The following ASPH variants were observed in gnomAD, a reference collection of about 807,000 sequenced individuals.
ASPH encodes aspartyl/asparaginyl beta-hydroxylase.
Under a neutral mutation model 118.4 loss-of-function variants are expected in ASPH, and 100 were observed. That is an observed-to-expected ratio of 0.84 (90% CI 0.72 to 1.00). ASPH has a LOEUF of 1.00. Among genes scored for constraint, ASPH ranks in the 50% least tolerant of loss-of-function variants. The pLI is 0.00. For missense variants in ASPH, 920 were observed against 919.5 expected (o/e 1.00, Z -0.01); for synonymous variants, 315 against 325.6 (o/e 0.97, Z 0.35).
chr8:61,611,868 A>G (rs1847477464), intron 14 of ASPH, among the ~76,000 whole-genome samples: 1 of 152,242 alleles, frequency 6.6e-6, no homozygotes, highest in East Asian at 1.9e-4. Context: ...AGATTTTTCA[A>G]TTTGAGTCCA....
chr8:61,519,722 G>A (rs1812271608), intron 22 of ASPH, among the ~76,000 whole-genome samples: 1 of 152,162 alleles, frequency 6.6e-6, no homozygotes, highest in Admixed American at 6.5e-5. Flanking sequence ...GTATGAGAAA[G>A]ACTTGACTGG....
intron 5 of ASPH, among the ~76,000 whole-genome samples, chr8:61,649,335 C>A (rs1419282151): frequency 6.6e-6 from 1 of 152,106 alleles, no homozygotes; most frequent in Non-Finnish European, 1.5e-5. Context: ...AAAAGACTAG[C>A]ATAAGCAATC....
intron 21 of ASPH, among the ~76,000 whole-genome samples, chr8:61,546,440 G>A (rs965153225): frequency 3.3e-5 from 5 of 152,164 alleles, no homozygotes; most frequent in African/African-American, 1.2e-4. Context: ...CAATCTGAGG[G>A]AGGGTGAAAT....
intron 1 of ASPH, among the ~76,000 whole-genome samples, chr8:61,689,368 TATA>T (rs1831856180): frequency 6.6e-6 from 1 of 152,034 alleles, no homozygotes; most frequent in Non-Finnish European, 1.5e-5. Flanking sequence ...GTAATTAACT[TATA>T]AGAATAAGAA....
Position 61,653,493 on chromosome 8 carries a change from C to T in ASPH, c.415+75G>A, listed in dbSNP as rs141858069. ...GATGTGAAACAAATTCCAGGTAAAACGTGATTCTGTAAATGCGGATACCTG... is the reference window on the plus strand; with the variant it reads ...GATGTGAAACAAATTCCAGGTAAAATGTGATTCTGTAAATGCGGATACCTG... On this transcript the variant is annotated intron_variant, in intron 4 of 24. Transcript: ENST00000379454. 6,855 of 1,399,420 alleles carry T rather than the reference C, an allele frequency of 4.9e-3. 30 individuals are homozygous for T. Among genetic ancestry groups the T allele is most frequent in the Non-Finnish European group, 5.9e-3 (6,000 of 1,016,424 alleles). The allele number at this position is 1,399,420 out of a possible 1,614,324, so 86.7% of individuals were successfully genotyped here.
At chr8:61,683,613 C>T (rs146588311) in intron 2 of ASPH, 3 of 155,926 alleles carry the variant, frequency 1.9e-5, no homozygotes, top group African/African-American at 7.2e-5. Flanking sequence ...GAAGGGTGTA[C>T]TTTGAAAACC....
At chr8:61,544,617 G>A (rs568238820) in intron 21 of ASPH, among the ~76,000 whole-genome samples, 1 of 152,246 alleles carries the variant, frequency 6.6e-6, no homozygotes, top group African/African-American at 2.4e-5. Flanking sequence ...GATACCAACT[G>A]TTGCAACTTC....
At chr8:61,633,001 C>G (rs527595941) in intron 13 of ASPH, 2 of 168,658 alleles carry the variant, frequency 1.2e-5, no homozygotes, top group East Asian at 3.6e-4. Flanking sequence ...TTTGATAGAA[C>G]ATTCTTTCCC....
intron 14 of ASPH, among the ~76,000 whole-genome samples, chr8:61,612,603 C>A (rs1461879997): frequency 6.6e-6 from 1 of 152,002 alleles, no homozygotes; most frequent in Non-Finnish European, 1.5e-5. Context: ...AACTCGTGAC[C>A]TCAGGTAATC....
At chr8:61,668,380 G>A in intron 3 of ASPH, 1 of 819,588 alleles carries the variant, frequency 1.2e-6, no homozygotes, top group Non-Finnish European at 1.9e-6. Context: ...TATAAAATAT[G>A]TTAAGTTAGT....
Position 61,684,020 on chromosome 8 carries a change from A to G in ASPH, c.253+19T>C. The G allele has an allele frequency of 6.2e-7, 1 of 1,611,706 alleles. No individual in the cohort carries two copies. The highest frequency in any genetic ancestry group is 1.1e-5 in the South Asian group (1 of 90,946). On this transcript the variant is annotated intron_variant, in intron 2 of 24. Transcript: ENST00000379454. ...ACTTACTCTCTTACAAATTCACATA[A>G]GGATATCAAAATTCTTACCTAGAAC...
At chr8:61,576,700 GA>G (rs1835268037) in intron 16 of ASPH, 71 bp downstream of exon 16, 19 of 1,302,690 alleles carry the variant, frequency 1.5e-5, no homozygotes, top group Non-Finnish European at 1.9e-5. Context: ...AAATAGTGAG[GA>G]GTAAAAAATT....
chr8:61,508,602 T>C (rs1247715532), intron 24 of ASPH, among the ~76,000 whole-genome samples: 2 of 152,210 alleles, frequency 1.3e-5, no homozygotes, highest in African/African-American at 4.8e-5. Flanking sequence ...CTATCTTTGC[T>C]AAAATGTTCT....
intron 21 of ASPH, among the ~76,000 whole-genome samples, chr8:61,536,318 C>T (rs893662376): frequency 4.6e-5 from 7 of 152,240 alleles, no homozygotes; most frequent in African/African-American, 1.7e-4. Flanking sequence ...TGATTACAGG[C>T]GTGAGCCACC....
chr8:61,591,856 A>C (rs1841244612), intron 14 of ASPH, among the ~76,000 whole-genome samples: 1 of 152,170 alleles, frequency 6.6e-6, no homozygotes, highest in Non-Finnish European at 1.5e-5. Flanking sequence ...GGGTGTTCCT[A>C]AGAGTTTTAA....
At chr8:61,609,405 C>G (rs1052178966) in intron 14 of ASPH, among the ~76,000 whole-genome samples, 2 of 152,020 alleles carry the variant, frequency 1.3e-5, no homozygotes, top group African/African-American at 4.8e-5. Context: ...GATGCCTAAT[C>G]TTCATTCCAT....
chr8:61,714,513 G>A lies in ASPH; in HGVS notation c.-142C>T. On this transcript the variant is annotated 5_prime_UTR_variant, in exon 1 of 25. Coordinates refer to ENST00000379454, the MANE Select transcript of ASPH (RefSeq NM_004318.4). ...CTCCTGCAGCAGACCCTGTGCCTCA[G>A]CACCGCCTGCAGCACCTGGGAAGAC... is the stretch of plus-strand genomic sequence containing the variant. 1.6e-6 allele frequency: 2 copies of A among 1,214,582 alleles called. No homozygotes were observed. Among genetic ancestry groups the A allele is most frequent in the Non-Finnish European group, 2.1e-6 (2 of 943,754 alleles). 75.2% of individuals were successfully genotyped at this position (1,214,582 alleles called of 1,614,324 possible).
intron 1 of ASPH, among the ~76,000 whole-genome samples, chr8:61,686,703 G>C (rs1215156152): frequency 2.0e-5 from 3 of 150,480 alleles, no homozygotes; most frequent in Non-Finnish European, 2.9e-5. Context: ...AGTAGCTAAT[G>C]ACTAAGAATT....
chr8:61,617,477 G>A (rs1344427467), intron 14 of ASPH, among the ~76,000 whole-genome samples: 2 of 152,082 alleles, frequency 1.3e-5, no homozygotes, highest in African/African-American at 2.4e-5. Context: ...TAAATATATC[G>A]GAAGATCCAG....
Sources: gnomAD v4.1 joint callset for allele counts (sites outside exome capture counted in the v4.1 genomes callset) on GRCh38, gnomAD v4.1.1 for gene constraint, MANE v1.5 for transcripts, NCBI Gene and HGNC (gene_info 2026-07-23, HGNC 2026-07-21) for gene names.